The following TECTA variants were observed in gnomAD, a reference collection of about 807,000 sequenced individuals.
The protein encoded by TECTA is tectorin alpha.
Under a neutral mutation model 216.8 loss-of-function variants are expected in TECTA, and 128 were observed. The ratio of observed to expected loss-of-function variants is 0.59; its 90% CI spans 0.51 to 0.68. TECTA has a LOEUF of 0.68. TECTA is among the 30% of genes least tolerant of loss of function. TECTA has a pLI of 0.00. For synonymous variants in TECTA, 1,089 were observed against 1,117.1 expected, an observed-to-expected ratio of 0.97 and a Z score of 0.50; for missense variants, 2,551 against 2,786.2, an observed-to-expected ratio of 0.92 and a Z score of 1.90.
chr11:121,147,918 T>C (rs1436032683), intron 12 of TECTA, among the ~76,000 whole-genome samples: 2 of 152,086 alleles, frequency 1.3e-5, no homozygotes, highest in African/African-American at 4.8e-5. Flanking sequence ...GGGTCTTAAT[T>C]TTTGTCACTC....
chr11:121,190,583 G>C, intron 23 of TECTA, 123 bp from the exon 24 acceptor site: 1 of 766,778 alleles, frequency 1.3e-6, no homozygotes, highest in Non-Finnish European at 2.3e-6. Flanking sequence ...GGGCCATTTA[G>C]GTAAAATGGG....
rs1299643847 is a variant in TECTA at position 121,158,164 on chromosome 11, G to A, written c.4629G>A (p.Ser1543=). ...CGGCCCCCAACCTCACCATCATTTC[G>A]CCCGTCTACTTCTACATTAACGAAG... ...KWSAPNLTII[S]PVYFYINEEQ... is the part of the protein sequence containing the mutation. The change falls in exon 14 of 24, where the codon TCG becomes TCA. Residue 1543 remains serine, a synonymous_variant. Coordinates refer to ENST00000392793, the MANE Select transcript of TECTA (RefSeq NM_005422.4). 1.2e-6 allele frequency: 2 copies of A among 1,613,868 alleles called. No homozygotes were observed. The highest frequency in any genetic ancestry group is 1.7e-6 in the Non-Finnish European group (2 of 1,180,036).
chr11:121,160,441 A>G lies in TECTA; in HGVS notation c.4976+20A>G, dbSNP rs770452763. 2 of 1,605,514 alleles carry G rather than the reference A, an allele frequency of 1.2e-6. No individual in the cohort carries two copies. The highest frequency in any genetic ancestry group is 1.7e-5 in the Admixed American group (1 of 60,018). ...GAAGAGGTGAGGGTGTAGGAGTTCAAGCCACTAGACTTGGTGGCCCAAGTT... is the reference window on the plus strand; with the variant it reads ...GAAGAGGTGAGGGTGTAGGAGTTCAGGCCACTAGACTTGGTGGCCCAAGTT... On this transcript the variant is annotated intron_variant, in intron 15 of 23. Transcript: ENST00000392793.
In TECTA at chr11:121,127,956, C is replaced by T. The variant is rs1946630354; in HGVS notation, c.1979C>T (p.Thr660Ile). Residue 660 changes from threonine (T) to isoleucine (I), a missense_variant, in exon 9 of 24, where the codon ACC (threonine) becomes ATC (isoleucine). Transcript: ENST00000392793. This position sits in a 1 kb window ranked among gnomAD's most constrained non-coding sequence, Gnocchi z 5.0. ...CGCDFDGHYYTMGEFFWATAN... is the reference protein window; with the variant it reads ...CGCDFDGHYYIMGEFFWATAN... ...TGCGACTTCGACGGCCACTACTACA[C>T]CATGGGGGAGTTCTTCTGGGCCACG... The T allele has an allele frequency of 3.1e-6, 5 of 1,614,202 alleles. No homozygotes were observed. The highest frequency in any genetic ancestry group is 4.2e-6 in the Non-Finnish European group (5 of 1,180,042).
chr11:121,155,272 G>A (rs1267214923), intron 13 of TECTA, among the ~76,000 whole-genome samples: 1 of 152,196 alleles, frequency 6.6e-6, no homozygotes, highest in African/African-American at 2.4e-5. Flanking sequence ...TTCTCTTGTG[G>A]ATGAGTTATT....
At chr11:121,109,968 C>A (rs939314417) in intron 4 of TECTA, 1 of 184,634 alleles carries the variant, frequency 5.4e-6, no homozygotes, top group Non-Finnish European at 1.2e-5. Flanking sequence ...AAGTTTGGGC[C>A]CAAATGATCT....
At position 121,109,496 on chromosome 11, in the gene TECTA, C is replaced by T. The variant is rs1946423644; in HGVS notation, c.484C>T (p.Pro162Ser). The T allele has an allele frequency of 1.2e-6, 2 of 1,614,142 alleles. No homozygotes were observed. The highest frequency in any genetic ancestry group is 1.7e-6 in the Non-Finnish European group (2 of 1,180,022). The change falls in exon 4 of 24, where the codon CCT becomes TCT. Residue 162 changes from proline (P) to serine (S), a missense_variant and splice_region_variant. Around this residue, in one of 3 missense-constraint regions of TECTA, gnomAD observed 2,375 missense variants for 2,563.9 expected, o/e 0.93. Transcript: ENST00000392793. ...GTTTTATGGAGGCAGCAGCACCACACCTGTAATAATTCAAATTTTCTGCTT... is the reference window on the plus strand; with the variant it reads ...GTTTTATGGAGGCAGCAGCACCACATCTGTAATAATTCAAATTTTCTGCTT... ...VTFYGGSSTT[P>S]VNTFQAVLVS...
intron 11 of TECTA, among the ~76,000 whole-genome samples, chr11:121,141,574 C>T (rs546761312): frequency 1.3e-5 from 2 of 152,336 alleles, no homozygotes; most frequent in African/African-American, 4.8e-5. Context: ...CCATCCACAG[C>T]CAGGGCTCAA....
intron 20 of TECTA, among the ~76,000 whole-genome samples, chr11:121,183,342 ACTC>A (rs2134211226): frequency 6.6e-6 from 1 of 151,760 alleles, no homozygotes; most frequent in South Asian, 2.1e-4. Flanking sequence ...TTCAGTGTGA[ACTC>A]CTTCTCTGGA....
intron 19 of TECTA, 93 bp downstream of exon 19, chr11:121,168,310 C>A: frequency 1.3e-6 from 2 of 1,518,298 alleles, no homozygotes; most frequent in Admixed American, 1.7e-5. Flanking sequence ...GTCTTTGATG[C>A]CCTAGGAAAA....
chr11:121,125,283 C>T lies in TECTA; in HGVS notation c.1204-19C>T. ...TGGGCACCTGCTCACCTGCCTTTCA[C>T]TATTACTGTTGTTGGCAGGTTAATG... On this transcript the variant is annotated intron_variant, in intron 7 of 23. Transcript: ENST00000392793. 1 of 1,609,890 alleles carries T rather than the reference C, an allele frequency of 6.2e-7. No homozygotes were observed. Among genetic ancestry groups the T allele is most frequent in the Non-Finnish European group, 8.5e-7 (1 of 1,179,644 alleles).
At chr11:121,170,972 G>A (rs1947105901) in intron 20 of TECTA, among the ~76,000 whole-genome samples, 1 of 151,980 alleles carries the variant, frequency 6.6e-6, no homozygotes, top group African/African-American at 2.4e-5. Flanking sequence ...TGTCGCTTGG[G>A]CTTTTGAAAT....
chr11:121,157,770 G>C, intron 13 of TECTA, 71 bp from the exon 14 acceptor site: 1 of 1,608,460 alleles, frequency 6.2e-7, no homozygotes, highest in Non-Finnish European at 8.5e-7. Context: ...AAAAGACGAG[G>C]GGGACTGGGC....
intron 17 of TECTA, among the ~76,000 whole-genome samples, chr11:121,166,188 A>G (rs1389917486): frequency 6.6e-6 from 1 of 152,208 alleles, no homozygotes; most frequent in Non-Finnish European, 1.5e-5. Flanking sequence ...CAGGGGCTTC[A>G]GATGTGGTCT....
intron 20 of TECTA, among the ~76,000 whole-genome samples, chr11:121,185,096 C>T (rs548593117): frequency 6.6e-5 from 10 of 152,286 alleles, no homozygotes; most frequent in South Asian, 2.1e-4. Flanking sequence ...GAGAGTGAGC[C>T]GGAGAGCATG....
chr11:121,179,340 G>A (rs1947202015), intron 20 of TECTA, among the ~76,000 whole-genome samples: 1 of 151,936 alleles, frequency 6.6e-6, no homozygotes, highest in African/African-American at 2.4e-5. Flanking sequence ...TTTGTTCAGT[G>A]TCCAAAATTT....
At chr11:121,167,997 G>T (rs1235570160) in intron 18 of TECTA, 57 bp from the exon 19 acceptor site, 1 of 1,597,836 alleles carries the variant, frequency 6.3e-7, no homozygotes, top group Non-Finnish European at 8.6e-7. Flanking sequence ...GATTTGATAT[G>T]CAAGCTACAT....
At position 121,158,179 on chromosome 11, in the gene TECTA, C is replaced by T. The variant is rs1347634465; in HGVS notation, c.4644C>T (p.Tyr1548=). 2 of 1,614,018 alleles carry T rather than the reference C, an allele frequency of 1.2e-6. No homozygotes were observed. The highest frequency in any genetic ancestry group is 3.3e-5 in the Admixed American group (2 of 60,032). The change falls in exon 14 of 24, where the codon TAC becomes TAT. Residue 1548 remains tyrosine, a synonymous_variant. Coordinates refer to ENST00000392793, the MANE Select transcript of TECTA (RefSeq NM_005422.4). ...CCATCATTTCGCCCGTCTACTTCTACATTAACGAAGAGCAGATTCTCATCA... is the reference window on the plus strand; with the variant it reads ...CCATCATTTCGCCCGTCTACTTCTATATTAACGAAGAGCAGATTCTCATCA... ...NLTIISPVYF[Y]INEEQILIND...
At position 121,113,042 on chromosome 11, in the gene TECTA, G is replaced by C. The variant is rs1402576113; in HGVS notation, c.487-30G>C. ...GGCCAGGACCTCCTGGGGAGTGCAAGTCATGAGACTGCGCATTCCCATCCT... is the reference window on the plus strand; with the variant it reads ...GGCCAGGACCTCCTGGGGAGTGCAACTCATGAGACTGCGCATTCCCATCCT... On this transcript the variant is annotated intron_variant, in intron 4 of 23. Transcript: ENST00000392793. This position sits in a 1 kb window ranked among gnomAD's most constrained non-coding sequence, Gnocchi z 4.2. 4 of 1,613,774 alleles carry C rather than the reference G, an allele frequency of 2.5e-6. No individual in the cohort carries two copies. The Admixed American group carries it at 6.7e-5, about 27-fold the overall frequency.
Sources: allele counts gnomAD v4.1 joint callset (sites outside exome capture counted in the v4.1 genomes callset), GRCh38; gene constraint gnomAD v4.1.1; regional missense constraint gnomAD v4.1.1; non-coding constraint Gnocchi (gnomAD v3.1); transcripts MANE v1.5; gene names NCBI Gene and HGNC (gene_info 2026-07-23, HGNC 2026-07-21).